Variants in TRIM22 observed in about 807,000 individuals in gnomAD.
TRIM22 encodes E3 ubiquitin-protein ligase TRIM22.
TRIM22 carries 45 observed loss-of-function variants against 53.6 expected under a neutral mutation model. The ratio of observed to expected loss-of-function variants is 0.84; its 90% CI spans 0.66 to 1.08. The LOEUF is 1.08. TRIM22 is among the 50% of genes least tolerant of loss of function. The probability of loss-of-function intolerance (pLI) is 0.00; values close to 1 mark genes in which losing one functional copy is unlikely to be tolerated. For synonymous variants in TRIM22, 225 were observed against 216.6 expected (o/e 1.04, Z -0.34); for missense variants, 616 against 590.9 (o/e 1.04, Z -0.44).
intron 1 of TRIM22, among the ~76,000 whole-genome samples, chr11:5,692,660 G>A (rs1410665813): frequency 1.3e-5 from 2 of 152,052 alleles, no homozygotes; most frequent in Non-Finnish European, 2.9e-5. Context: ...AAAAGATGTT[G>A]GCTAGGCCAG....
Position 5,708,221 on chromosome 11 carries a change from A to G in TRIM22, c.822A>G (p.Leu274=). The G allele has an allele frequency of 2.5e-6, 4 of 1,614,252 alleles. No individual in the cohort carries two copies. The highest frequency in any genetic ancestry group is 1.7e-6 in the Non-Finnish European group (2 of 1,180,034). ...LKKPKSVSKK[L]KSVFRVPDLS... is the part of the protein sequence containing the mutation. Reference sequence around the variant, plus strand: ...AGCCAAAATCTGTTTCCAAGAAACTAAAGAGTGTATTCCGAGTACCAGATC... The same window carrying G: ...AGCCAAAATCTGTTTCCAAGAAACTGAAGAGTGTATTCCGAGTACCAGATC... The change falls in exon 6 of 8, where the codon CTA becomes CTG. Residue 274 remains leucine (L), a synonymous_variant. Transcript: ENST00000379965.
chr11:5,704,345 G>A (rs1051237001), intron 4 of TRIM22, among the ~76,000 whole-genome samples: 2 of 151,816 alleles, frequency 1.3e-5, no homozygotes, highest in Admixed American at 6.6e-5. Flanking sequence ...CTTGATTTTA[G>A]GAGGAAGTAA....
Position 5,709,248 on chromosome 11 carries a change from C to A in TRIM22, c.1097C>A (p.Ala366Asp). ...GAAGTAGATGTGTCTGGAAAGATTG[C>A]CTGGATCCTGGGCGTACACAGTAAA... Reference protein sequence around the residue: ...YWEVDVSGKIAWILGVHSKIS... With the variant: ...YWEVDVSGKIDWILGVHSKIS... The change falls in exon 8 of 8, where the codon GCC (alanine) becomes GAC (aspartate). Residue 366 changes from alanine to aspartate, a missense_variant. By Grantham distance (126) the Ala-to-Asp change is moderately radical (BLOSUM62 -2). Transcript: ENST00000379965. 1 of 1,614,140 alleles carries A rather than the reference C, an allele frequency of 6.2e-7. No homozygotes were observed. Among genetic ancestry groups the A allele is most frequent in the South Asian group, 1.1e-5 (1 of 91,078 alleles).
At position 5,696,569 on chromosome 11, in the gene TRIM22, A is replaced by G. The variant is rs1210509925; in HGVS notation, c.337A>G (p.Lys113Glu). 1.9e-6 allele frequency: 3 copies of G among 1,614,086 alleles called. No homozygotes were observed. Among genetic ancestry groups the G allele is most frequent in the Middle Eastern group, 1.6e-4 (1 of 6,084 alleles). Residue 113 changes from lysine to glutamate, a missense_variant, in exon 2 of 8, where the codon AAA (lysine) becomes GAA (glutamate). By Grantham distance (56) the Lys-to-Glu change is moderately conservative. Coordinates refer to ENST00000379965, the MANE Select transcript of TRIM22 (RefSeq NM_006074.5). The part of the protein sequence containing the change: ...KLQIFCKEDG[K>E]VICWVCELSQ... Reference sequence around the variant, plus strand: ...CCAGATCTTCTGTAAGGAGGATGGAAAAGTCATTTGCTGGGTTTGTGAACT... The same window carrying G: ...CCAGATCTTCTGTAAGGAGGATGGAGAAGTCATTTGCTGGGTTTGTGAACT...
chr11:5,700,924 G>T (rs930751396), intron 4 of TRIM22, among the ~76,000 whole-genome samples: 2 of 146,960 alleles, frequency 1.4e-5, no homozygotes, highest in Non-Finnish European at 3.0e-5. Flanking sequence ...CATGAATGGT[G>T]TGAATTTTGT....
intron 5 of TRIM22, among the ~76,000 whole-genome samples, chr11:5,707,847 T>C (rs1385261687): frequency 6.8e-6 from 1 of 147,920 alleles, no homozygotes; most frequent in Non-Finnish European, 1.5e-5. Flanking sequence ...AAAAGCATTA[T>C]TATTTTATCT....
chr11:5,691,996 AG>A (rs1262971172), intron 1 of TRIM22, among the ~76,000 whole-genome samples: 5 of 152,222 alleles, frequency 3.3e-5, no homozygotes, highest in Non-Finnish European at 5.9e-5. Context: ...ACAAAACAAA[AG>A]CATACAGGTA....
intron 4 of TRIM22, 141 bp from the exon 5 acceptor site, chr11:5,706,453 A>G (rs2134182745): frequency 1.9e-6 from 1 of 516,758 alleles, no homozygotes. Flanking sequence ...TATTTTTAGT[A>G]TAAGAATATC....
intron 4 of TRIM22, among the ~76,000 whole-genome samples, chr11:5,703,392 CT>C (rs35335605): frequency 0.57 from 83,068 of 144,838 alleles, 24,093 homozygotes; most frequent in Middle Eastern, 0.69. Flanking sequence ...CTTTTTTTTT[CT>C]TTTTTTTTTT....
In TRIM22 at chr11:5,696,445, T is replaced by C. The variant is rs376191862; in HGVS notation, c.213T>C (p.Asn71=). ...TCCAGCCTGGGAACCTCCGACCTAA[T>C]CGGCATCTGGCCAACATAGTTGAGA... The part of the protein sequence containing the change: ...TRFQPGNLRP[N]RHLANIVERV... Residue 71 remains asparagine, a synonymous_variant, in exon 2 of 8, where the codon AAT becomes AAC. Transcript: ENST00000379965. The C allele has an allele frequency of 3.7e-6, 6 of 1,614,072 alleles. No individual in the cohort carries two copies. In the African/African-American group the frequency reaches 8.0e-5, roughly 22 times the overall value.
chr11:5,700,061 A>G (rs912308776), intron 4 of TRIM22, among the ~76,000 whole-genome samples: 3 of 151,418 alleles, frequency 2.0e-5, no homozygotes, highest in Non-Finnish European at 4.4e-5. Context: ...CTACATGGAG[A>G]ATCATGTCAT....
intron 7 of TRIM22, 50 bp downstream of exon 7, chr11:5,708,653 C>G: frequency 6.6e-7 from 1 of 1,524,336 alleles, no homozygotes; most frequent in Non-Finnish European, 9.0e-7. Context: ...ATTGTGGTTA[C>G]TATTAGATCT....
At chr11:5,698,622 C>A in intron 4 of TRIM22, 77 bp downstream of exon 4, 1 of 1,176,172 alleles carries the variant, frequency 8.5e-7, no homozygotes, top group Non-Finnish European at 1.2e-6. Context: ...CCTTCCCAGT[C>A]TCTAGGCTTT....
Position 5,698,458 on chromosome 11 carries a change from C to T in TRIM22, c.663C>T (p.Asp221=), listed in dbSNP as rs1853308812. 3 of 1,613,988 alleles carry T rather than the reference C, an allele frequency of 1.9e-6. No homozygotes were observed. The highest frequency in any genetic ancestry group is 3.3e-5 in the Admixed American group (2 of 60,002). ...TGGATAACCTGGCAGCAGCTACAGA[C>T]CAGCTGGTCCAGCAGAGGCAGGATG... ...NVLDNLAAAT[D]QLVQQRQDAS... is the part of the protein sequence containing the mutation. The change falls in exon 4 of 8, where the codon GAC becomes GAT. Residue 221 remains aspartate (D), a synonymous_variant. Transcript: ENST00000379965.
In TRIM22 at chr11:5,706,634, A is replaced by G. The variant is rs760738876; in HGVS notation, c.773+18A>G. ...ATGAAAAGGTATATGTGGAAGAGAG[A>G]TGTGGTCTTATTTGTCTGAAAAGAG... is the stretch of plus-strand genomic sequence containing the variant. On this transcript the variant is annotated intron_variant, in intron 5 of 7. Transcript: ENST00000379965. 1 of 1,601,120 alleles carries G rather than the reference A, an allele frequency of 6.2e-7. No individual in the cohort carries two copies.
chr11:5,692,391 G>A (rs896324114), intron 1 of TRIM22, among the ~76,000 whole-genome samples: 6 of 152,126 alleles, frequency 3.9e-5, no homozygotes, highest in Non-Finnish European at 7.4e-5. Flanking sequence ...CACTGGGGTA[G>A]CTTTATGAAA....
At chr11:5,693,706 A>G (rs1174209841) in intron 1 of TRIM22, among the ~76,000 whole-genome samples, 1 of 122,258 alleles carries the variant, frequency 8.2e-6, no homozygotes, top group Non-Finnish European at 1.6e-5. Flanking sequence ...TGGGTGACAG[A>G]GTGAGACTCC....
At position 5,697,263 on chromosome 11, in the gene TRIM22, GC is replaced by G; in HGVS notation, c.442del (p.Leu148CysfsTer4). The G allele has an allele frequency of 6.2e-7, 1 of 1,611,282 alleles. No homozygotes were observed. Among genetic ancestry groups the G allele is most frequent in the Non-Finnish European group, 8.5e-7 (1 of 1,178,218 alleles). On this transcript the variant is annotated frameshift_variant, in exon 3 of 8. Transcript: ENST00000379965. LOFTEE classifies it high-confidence loss of function. ...VKECQEKLQV[A>X]LQRLIKEDQE... Reference sequence around the variant, plus strand: ...TTTCTTACAGGAAAAGCTGCAGGTAGCCCTGCAGAGGCTGATAAAGGAGGAT... The same window carrying G: ...TTTCTTACAGGAAAAGCTGCAGGTAGCCTGCAGAGGCTGATAAAGGAGGAT...
intron 1 of TRIM22, among the ~76,000 whole-genome samples, chr11:5,693,385 C>T (rs184379450): frequency 2.4e-4 from 37 of 151,856 alleles, no homozygotes; most frequent in African/African-American, 6.3e-4. Flanking sequence ...TGTCTTAGGT[C>T]GGAAGGGTTT....
Sources: allele counts gnomAD v4.1 joint callset (sites outside exome capture counted in the v4.1 genomes callset), GRCh38; gene constraint gnomAD v4.1.1; transcripts MANE v1.5; gene names NCBI Gene and HGNC (gene_info 2026-07-23, HGNC 2026-07-21).